SCFD2: variants seen among roughly 807,000 people sequenced by gnomAD.
SCFD2 encodes sec1 family domain containing 2, also known as sec1 family domain-containing protein 2.
A neutral mutation model predicts 58.9 loss-of-function variants in SCFD2; 54 were observed. The ratio of observed to expected loss-of-function variants is 0.92; its 90% CI spans 0.74 to 1.15. The LOEUF (loss-of-function observed/expected upper bound fraction) is 1.15, where lower values mean the gene tolerates loss of function less well. SCFD2 is among the 50% of genes most tolerant of loss of function. The pLI is 0.00. For missense variants in SCFD2, 805 were observed against 836.6 expected (o/e 0.96, Z 0.47); for synonymous variants, 321 against 335.9 (o/e 0.96, Z 0.49).
At position 53,299,517 on chromosome 4, in the gene SCFD2, C is replaced by A. The variant is rs557687457; in HGVS notation, c.1135+14119G>T. On this transcript the variant is annotated intron_variant, in intron 3 of 8. Coordinates refer to ENST00000401642, the MANE Select transcript of SCFD2 (RefSeq NM_152540.4). ...GGGAGAATGGAACCAAGTTGGAAAACACTCTGCAGGATATTATCCAGGAGA... is the reference window on the plus strand; with the variant it reads ...GGGAGAATGGAACCAAGTTGGAAAAAACTCTGCAGGATATTATCCAGGAGA... Among the ~76,000 whole-genome samples, 8 of 152,278 alleles carry A rather than the reference C, an allele frequency of 5.3e-5. No individual in the cohort carries two copies. In the South Asian group the frequency reaches 1.7e-3, roughly 32 times the overall value.
intron 2 of SCFD2, among the ~76,000 whole-genome samples, chr4:53,319,891 T>C (rs1249106423): frequency 1.3e-5 from 2 of 152,124 alleles, no homozygotes; most frequent in Non-Finnish European, 1.5e-5. Context: ...TTGCCTAACA[T>C]CTCATTATAT....
chr4:53,140,725 C>T (rs1454239274), intron 5 of SCFD2, among the ~76,000 whole-genome samples: 5 of 151,974 alleles, frequency 3.3e-5, no homozygotes, highest in Non-Finnish European at 7.4e-5. Flanking sequence ...CGGCATAAAA[C>T]GATATATGTA....
At chr4:52,913,456 C>G (rs1466784388) in intron 6 of SCFD2, among the ~76,000 whole-genome samples, 3 of 152,274 alleles carry the variant, frequency 2.0e-5, no homozygotes, top group Admixed American at 2.0e-4. Context: ...AATCTAATGT[C>G]TGATGGCCTG....
chr4:53,336,830 A>G (rs1733699939), intron 2 of SCFD2, among the ~76,000 whole-genome samples: 1 of 152,220 alleles, frequency 6.6e-6, no homozygotes, highest in Non-Finnish European at 1.5e-5. Context: ...TCTCATTTCT[A>G]AAAGCAGAAA....
At chr4:53,313,086 T>A (rs191699979) in intron 3 of SCFD2, among the ~76,000 whole-genome samples, 4 of 151,814 alleles carry the variant, frequency 2.6e-5, no homozygotes, top group Admixed American at 2.6e-4. Flanking sequence ...AAGACAAAGA[T>A]GGATGTGAAA....
intron 3 of SCFD2, among the ~76,000 whole-genome samples, chr4:53,281,088 C>T (rs1051151683): frequency 1.3e-5 from 2 of 152,194 alleles, no homozygotes; most frequent in African/African-American, 4.8e-5. Context: ...TTTGATTCGA[C>T]CTGATCTCCA....
intron 5 of SCFD2, among the ~76,000 whole-genome samples, chr4:53,007,684 A>T (rs1722009455): frequency 6.6e-6 from 1 of 152,186 alleles, no homozygotes; most frequent in South Asian, 2.1e-4. Flanking sequence ...CAGCACCTGG[A>T]AGTACTCTAT....
At chr4:52,923,572 A>G (rs1171014730) in intron 5 of SCFD2, among the ~76,000 whole-genome samples, 1 of 152,114 alleles carries the variant, frequency 6.6e-6, no homozygotes, top group Non-Finnish European at 1.5e-5. Flanking sequence ...CCCTACACAC[A>G]TGGGATTCAT....
At chr4:52,916,732 G>T (rs932320155) in intron 6 of SCFD2, among the ~76,000 whole-genome samples, 8 of 152,142 alleles carry the variant, frequency 5.3e-5, no homozygotes, top group Non-Finnish European at 1.0e-4. Context: ...AGGACACTCA[G>T]CTTTTGAAAG....
chr4:53,299,807 A>G lies in SCFD2; in HGVS notation c.1135+13829T>C, dbSNP rs1043368765. ...GTGCCAATATTCAACATTCTTAAAG[A>G]AAAGAATTTTCAACCCAGAATTTCA... is the stretch of plus-strand genomic sequence containing the variant. On this transcript the variant is annotated intron_variant, in intron 3 of 8. Coordinates refer to ENST00000401642, the MANE Select transcript of SCFD2 (RefSeq NM_152540.4). 3.9e-5 allele frequency among the ~76,000 whole-genome samples: 6 copies of G among 152,208 alleles called. No individual in the cohort carries two copies. The East Asian group carries it at 5.8e-4, about 15-fold the overall frequency.
At chr4:53,130,011 G>A (rs1244209542) in intron 5 of SCFD2, among the ~76,000 whole-genome samples, 1 of 152,112 alleles carries the variant, frequency 6.6e-6, no homozygotes, top group Non-Finnish European at 1.5e-5. Context: ...GTTTATTAAA[G>A]AGCAAAAGAT....
intron 5 of SCFD2, among the ~76,000 whole-genome samples, chr4:53,141,002 C>T (rs1726120280): frequency 6.6e-6 from 1 of 152,130 alleles, no homozygotes; most frequent in African/African-American, 2.4e-5. Context: ...CCTGAACTCC[C>T]TAATCCTTAA....
chr4:53,203,577 A>G (rs193243002), intron 4 of SCFD2, among the ~76,000 whole-genome samples: 1 of 152,206 alleles, frequency 6.6e-6, no homozygotes, highest in African/African-American at 2.4e-5. Context: ...GCAAAAAAAT[A>G]AAATAAACTT....
At chr4:53,169,259 G>A (rs1727105442) in intron 4 of SCFD2, among the ~76,000 whole-genome samples, 1 of 152,088 alleles carries the variant, frequency 6.6e-6, no homozygotes, top group South Asian at 2.1e-4. Flanking sequence ...AGCTACTCGG[G>A]AGGCCGAGGC....
chr4:52,980,572 A>G (rs998609915), intron 5 of SCFD2, among the ~76,000 whole-genome samples: 4 of 152,184 alleles, frequency 2.6e-5, no homozygotes, highest in Non-Finnish European at 5.9e-5. Context: ...TGGAGAGAAT[A>G]CGAGACATAC....
chr4:53,362,224 A>G (rs1014771245), intron 1 of SCFD2, among the ~76,000 whole-genome samples: 5 of 152,140 alleles, frequency 3.3e-5, no homozygotes, highest in African/African-American at 9.7e-5. Context: ...GAACATCCCA[A>G]GCAGAGCTGC....
rs1259800778 is a variant in SCFD2, at chr4:52,873,100, A to C, written c.*869T>G. On this transcript the variant is annotated 3_prime_UTR_variant, in exon 9 of 9. Coordinates refer to ENST00000401642, the MANE Select transcript of SCFD2 (RefSeq NM_152540.4). ...TGCCCTGGAGTTCTTACAAAGTTTC[A>C]CTAGGTGGGTCTAGGTTTTTCTGCT... The C allele has an allele frequency of 6.6e-6, 1 of 152,204 alleles. No homozygotes were observed. The highest frequency in any genetic ancestry group is 1.5e-5 in the Non-Finnish European group (1 of 68,032). The allele number at this position is 152,204 out of a possible 1,614,324, so 9.4% of individuals were successfully genotyped here.
intron 5 of SCFD2, among the ~76,000 whole-genome samples, chr4:53,136,232 A>G (rs34484253): frequency 0.38 from 57,684 of 151,982 alleles, 11,357 homozygotes; most frequent in Non-Finnish European, 0.43. Context: ...GGAATTCTGG[A>G]CTGGGAATTG....
chr4:53,058,503 T>G lies in SCFD2; in HGVS notation c.1561+86830A>C, dbSNP rs140354234. ...ATATAGCAGTGGGCTGGCTGCACAT[T>G]GGTATCACCTGGAAAGCTTTAAAAA... On this transcript the variant is annotated intron_variant, in intron 5 of 8. Coordinates refer to ENST00000401642, the MANE Select transcript of SCFD2 (RefSeq NM_152540.4). Among the ~76,000 whole-genome samples the G allele has an allele frequency of 4.1e-3, 619 of 152,280 alleles. 2 individuals are homozygous for G. The highest frequency in any genetic ancestry group is 0.014 in the African/African-American group (584 of 41,564).
Sources: allele counts gnomAD v4.1 joint callset (sites outside exome capture counted in the v4.1 genomes callset), GRCh38; gene constraint gnomAD v4.1.1; transcripts MANE v1.5; gene names NCBI Gene and HGNC (gene_info 2026-07-23, HGNC 2026-07-21).